Variants in DAB1 observed in about 807,000 individuals in gnomAD.
The protein encoded by DAB1 is disabled homolog 1.
In DAB1, 15 loss-of-function variants were observed where a neutral mutation model predicts 64.6. That is an observed-to-expected ratio of 0.23 (90% confidence interval 0.16 to 0.36). The LOEUF (loss-of-function observed/expected upper bound fraction) is 0.36. Ranked by LOEUF, DAB1 falls within the 10% of genes least tolerant of loss-of-function variation. DAB1 has a pLI of 1.00. For synonymous variants in DAB1, 235 were observed against 251.9 expected (o/e 0.93, Z 0.64); for missense variants, 596 against 706.7 (o/e 0.84, Z 1.78).
At chr1:58,131,156 T>G (rs1327499401) in intron 5 of DAB1, among the ~76,000 whole-genome samples, 3 of 147,416 alleles carry the variant, frequency 2.0e-5, no homozygotes, top group Non-Finnish European at 4.5e-5. Flanking sequence ...TTTGCTCATT[T>G]CTTTTTATTC....
intron 5 of DAB1, chr1:58,048,686 C>T (rs1221967607): frequency 2.3e-6 from 3 of 1,320,660 alleles, no homozygotes; most frequent in Admixed American, 1.7e-5. Flanking sequence ...ACGACCACCA[C>T]CAAAGTTTCC....
chr1:57,866,435 G>T (rs1455347021), intron 1 of DAB1: 1 of 152,110 alleles, frequency 6.6e-6, no homozygotes, highest in Non-Finnish European at 1.5e-5. Flanking sequence ...CTTGTGTGGT[G>T]GGTTTTCCTA....
intron 3 of DAB1, among the ~76,000 whole-genome samples, chr1:58,454,711 T>G (rs1464693913): frequency 6.6e-6 from 1 of 152,158 alleles, no homozygotes; most frequent in African/African-American, 2.4e-5. Flanking sequence ...CCTTGTCCCC[T>G]CTGCTCTAGG....
intron 5 of DAB1, among the ~76,000 whole-genome samples, chr1:58,051,055 T>TTA (rs1553155879): frequency 2.6e-5 from 4 of 152,152 alleles, no homozygotes; most frequent in African/African-American, 2.4e-5. Context: ...GAAATTTTTT[T>TTA]TATATATATA....
chr1:57,328,405 C>T (rs1021728105), intron 1 of DAB1, among the ~76,000 whole-genome samples: 1 of 152,184 alleles, frequency 6.6e-6, no homozygotes, highest in East Asian at 1.9e-4. Context: ...GAAAAGAATG[C>T]CAGGATGGAT....
chr1:58,100,465 T>C (rs991835561), intron 5 of DAB1, among the ~76,000 whole-genome samples: 2 of 152,230 alleles, frequency 1.3e-5, no homozygotes, highest in Non-Finnish European at 2.9e-5. Flanking sequence ...ATTCATCTCA[T>C]TGATGGCTAT....
chr1:58,190,398 C>T (rs933224803), intron 4 of DAB1, among the ~76,000 whole-genome samples: 6 of 152,148 alleles, frequency 3.9e-5, no homozygotes, highest in East Asian at 1.9e-4. Context: ...AGGCAGCAGT[C>T]CAGCCTATCC....
rs1194614573 is a variant in DAB1, at chr1:58,518,267, AGAGAGGAGAG to A, written n.107+8984_107+8993del. On this transcript the variant is annotated intron_variant and non_coding_transcript_variant, in intron 2 of 20. Coordinates refer to the DAB1 transcript ENST00000485760. ...GAGGGGAGAGGGGAGAGGGGAGAGG[AGAGAGGAGAG>A]GAGAAGAGAAGAGAAGAGAAGAGAA... 4.6e-3 allele frequency among the ~76,000 whole-genome samples: 4 copies of A among 874 alleles called. 1 individual carries two copies. Among genetic ancestry groups the A allele is most frequent in the African/African-American group, 6.0e-3 (2 of 336 alleles). 0.6% of individuals were successfully genotyped at this position (874 alleles called of 152,430 possible).
At chr1:58,253,231 A>C (rs1318736927) in intron 4 of DAB1, among the ~76,000 whole-genome samples, 1 of 152,196 alleles carries the variant, frequency 6.6e-6, no homozygotes, top group Admixed American at 6.5e-5. Flanking sequence ...GTGAAGACTA[A>C]AGGAAATGCT....
intron 1 of DAB1, among the ~76,000 whole-genome samples, chr1:57,317,624 C>T (rs1367498116): frequency 1.3e-5 from 2 of 152,090 alleles, no homozygotes; most frequent in African/African-American, 4.8e-5. Context: ...TATCTTTGAA[C>T]ACTACGTTAC....
intron 1 of DAB1, among the ~76,000 whole-genome samples, chr1:57,311,927 C>T (rs949706093): frequency 5.3e-5 from 8 of 152,134 alleles, no homozygotes; most frequent in Non-Finnish European, 1.0e-4. Flanking sequence ...TGGCGCTAAA[C>T]GTTATGGTTT....
chr1:57,735,694 TG>T (rs1647659737), intron 6 of DAB1, among the ~76,000 whole-genome samples: 1 of 151,086 alleles, frequency 6.6e-6, no homozygotes, highest in South Asian at 2.1e-4. Flanking sequence ...CTGGTATAGT[TG>T]AAAAAAATTC....
At chr1:57,088,613 G>C (rs1242525125) in intron 4 of DAB1, among the ~76,000 whole-genome samples, 2 of 152,064 alleles carry the variant, frequency 1.3e-5, no homozygotes, top group Non-Finnish European at 2.9e-5. Flanking sequence ...CCTTCTCCCA[G>C]TGCCCACCTC....
intron 3 of DAB1, among the ~76,000 whole-genome samples, chr1:58,430,429 A>G (rs1644859611): frequency 6.6e-6 from 1 of 152,172 alleles, no homozygotes; most frequent in South Asian, 2.1e-4. Flanking sequence ...ATTGAAATAC[A>G]TAATGTAAGA....
chr1:57,407,907 A>C (rs999732285), intron 1 of DAB1, among the ~76,000 whole-genome samples: 1 of 152,052 alleles, frequency 6.6e-6, no homozygotes, highest in Non-Finnish European at 1.5e-5. Context: ...ATTACATCTA[A>C]ATGTCCAGCA....
chr1:57,937,138 T>C (rs1273280056), intron 5 of DAB1, among the ~76,000 whole-genome samples: 1 of 152,096 alleles, frequency 6.6e-6, no homozygotes, highest in Non-Finnish European at 1.5e-5. Context: ...GTCTGGCACA[T>C]AGTTGGTGCT....
intron 2 of DAB1, among the ~76,000 whole-genome samples, chr1:57,245,041 G>A (rs1053766798): frequency 2.6e-5 from 4 of 152,182 alleles, no homozygotes; most frequent in African/African-American, 7.2e-5. Flanking sequence ...AGGGAAATGT[G>A]GGAAAGTTTG....
intron 3 of DAB1, among the ~76,000 whole-genome samples, chr1:58,420,293 T>C (rs988066902): frequency 1.3e-5 from 2 of 152,150 alleles, no homozygotes; most frequent in African/African-American, 2.4e-5. Flanking sequence ...ATTCTCTAAA[T>C]CAGAATTCAC....
At chr1:57,284,756 A>G (rs963744180) in intron 2 of DAB1, among the ~76,000 whole-genome samples, 3 of 152,276 alleles carry the variant, frequency 2.0e-5, no homozygotes, top group African/African-American at 7.2e-5. Flanking sequence ...CTATGAGGTA[A>G]GCCAATGTTA....
Sources: gnomAD v4.1 joint callset for allele counts (sites outside exome capture counted in the v4.1 genomes callset) on GRCh38, gnomAD v4.1.1 for gene constraint, MANE v1.5 for transcripts, NCBI Gene and HGNC (gene_info 2026-07-23, HGNC 2026-07-21) for gene names.